AK9: variants seen among roughly 807,000 people sequenced by gnomAD.
The protein encoded by AK9 is adenylate kinase domain containing 1.
In AK9, 191 loss-of-function variants were observed where a neutral mutation model predicts 239.6. That is an observed-to-expected ratio of 0.80 (90% CI 0.71 to 0.90). The LOEUF (loss-of-function observed/expected upper bound fraction) is 0.90. Among genes scored for constraint, AK9 ranks in the 40% least tolerant of loss-of-function variants. The probability of loss-of-function intolerance (pLI) is 0.00; values close to 1 mark genes in which losing one functional copy is unlikely to be tolerated. For synonymous variants in AK9, 689 were observed against 721.0 expected (o/e 0.96, Z 0.71); for missense variants, 1,995 against 2,214.7 (o/e 0.90, Z 1.99).
At chr6:109,557,091 TCTCA>T (rs1297599311) in intron 24 of AK9, among the ~76,000 whole-genome samples, 1 of 151,842 alleles carries the variant, frequency 6.6e-6, no homozygotes, top group African/African-American at 2.4e-5. Flanking sequence ...TTCAGCATTT[TCTCA>T]CTGATTCTTT....
At chr6:109,503,902 T>C (rs1447930967) in intron 35 of AK9, among the ~76,000 whole-genome samples, 1 of 152,152 alleles carries the variant, frequency 6.6e-6, no homozygotes, top group Non-Finnish European at 1.5e-5. Context: ...TCCCCCCACT[T>C]TGGGGACATT....
chr6:109,675,876 C>T, intron 1 of AK9, 120 bp from the exon 2 acceptor site: 1 of 557,736 alleles, frequency 1.8e-6, no homozygotes, highest in South Asian at 2.9e-5. Context: ...CCATTAAACA[C>T]ATGAATTTTG....
intron 8 of AK9, among the ~76,000 whole-genome samples, chr6:109,644,968 A>T (rs945361049): frequency 2.6e-5 from 4 of 152,164 alleles, no homozygotes; most frequent in African/African-American, 7.2e-5. Flanking sequence ...ATCTATCTGC[A>T]TATGTTCATA....
chr6:109,566,711 C>A (rs891348071), intron 21 of AK9, among the ~76,000 whole-genome samples: 3 of 152,012 alleles, frequency 2.0e-5, no homozygotes, highest in African/African-American at 7.3e-5. Context: ...ACACTGGAGA[C>A]TCAGAAGGGA....
Position 109,619,234 on chromosome 6 carries a change from T to C in AK9, c.1257A>G (p.Val419=). The C allele has an allele frequency of 5.8e-6, 9 of 1,540,060 alleles. No individual in the cohort carries two copies. The highest frequency in any genetic ancestry group is 2.1e-5 in the Admixed American group (1 of 47,822). The stretch of plus-strand genomic sequence containing the variant: ...GCTGAACAAGTTGGGCATAGTCGAC[T>C]ACCTGCAAAGAATATTTGAGAAAAT... The part of the protein sequence containing the change: ...NMLAENYKGK[V]VDYAQLVQPR... Residue 419 remains valine (V), a splice_region_variant and synonymous_variant, in exon 13 of 41, where the codon GTA becomes GTG. Transcript: ENST00000424296.
intron 20 of AK9, 27 bp downstream of exon 20, chr6:109,579,523 T>A (rs1788548406): frequency 6.5e-7 from 1 of 1,537,044 alleles, no homozygotes. Flanking sequence ...CCATGACACA[T>A]CATCAGTCAT....
Position 109,579,448 on chromosome 6 carries a change from T to C in AK9, c.2191+102A>G, listed in dbSNP as rs188495069. 9.6e-6 allele frequency: 11 copies of C among 1,141,896 alleles called. No homozygotes were observed. In the East Asian group the frequency reaches 2.7e-4, roughly 28 times the overall value. The allele number at this position is 1,141,896 out of a possible 1,614,324, so 70.7% of individuals were successfully genotyped here. ...ATAAACCTGGGCTCTCATGGACAAA[T>C]TGGGAAATGTGATCACCCAGTCTAT... On this transcript the variant is annotated intron_variant, in intron 20 of 40. Coordinates refer to ENST00000424296, the MANE Select transcript of AK9 (RefSeq NM_001145128.3).
chr6:109,678,455 T>C (rs1160688007), intron 1 of AK9, among the ~76,000 whole-genome samples: 1 of 152,124 alleles, frequency 6.6e-6, no homozygotes, highest in Non-Finnish European at 1.5e-5. Flanking sequence ...ATGGGCAACA[T>C]ATGGAATGGA....
chr6:109,571,624 A>G (rs575857233), intron 21 of AK9, among the ~76,000 whole-genome samples: 1 of 152,308 alleles, frequency 6.6e-6, no homozygotes, highest in East Asian at 1.9e-4. Flanking sequence ...TAGTTAGCAC[A>G]TATTTTTATC....
intron 13 of AK9, among the ~76,000 whole-genome samples, chr6:109,617,849 GAC>G (rs55653762): frequency 0.3 from 44,869 of 151,828 alleles, 7,059 homozygotes; most frequent in Middle Eastern, 0.4. Flanking sequence ...TCACTTGAGA[GAC>G]ACAGTAAAGA....
chr6:109,616,015 C>G (rs982941824), intron 13 of AK9, among the ~76,000 whole-genome samples: 1 of 151,970 alleles, frequency 6.6e-6, no homozygotes, highest in Non-Finnish European at 1.5e-5. Context: ...GCCGGAGGAT[C>G]ACTTGAGGCC....
chr6:109,547,263 T>C (rs2128158209), intron 25 of AK9, among the ~76,000 whole-genome samples: 1 of 152,330 alleles, frequency 6.6e-6, no homozygotes, highest in Non-Finnish European at 1.5e-5. Flanking sequence ...GTTCCATGTG[T>C]TCATTTTAAG....
chr6:109,507,805 A>G (rs1213661430), intron 33 of AK9, among the ~76,000 whole-genome samples: 1 of 152,246 alleles, frequency 6.6e-6, no homozygotes, highest in Non-Finnish European at 1.5e-5. Flanking sequence ...ATAGTCAGAC[A>G]AGATTGAAAA....
chr6:109,545,790 G>A, intron 26 of AK9, 77 bp downstream of exon 26: 1 of 1,499,206 alleles, frequency 6.7e-7, no homozygotes, highest in Non-Finnish European at 8.9e-7. Flanking sequence ...GTGACAGATG[G>A]AGACCCTGTC....
intron 12 of AK9, among the ~76,000 whole-genome samples, chr6:109,621,913 CAAAA>C (rs758683676): frequency 2.8e-5 from 2 of 70,298 alleles, no homozygotes; most frequent in South Asian, 8.1e-4. Context: ...AAAAAAAAAA[CAAAA>C]AAAAAACAGA....
chr6:109,498,597 C>T (rs1307792920), intron 36 of AK9, among the ~76,000 whole-genome samples: 3 of 152,112 alleles, frequency 2.0e-5, no homozygotes, highest in Non-Finnish European at 4.4e-5. Context: ...TTCCATTAAG[C>T]AGAAATATAA....
intron 1 of AK9, among the ~76,000 whole-genome samples, chr6:109,676,671 T>A (rs1771799097): frequency 1.3e-5 from 2 of 152,080 alleles, no homozygotes. Context: ...CTTCTAAATA[T>A]TACTTGATCA....
chr6:109,670,299 T>C (rs1801879558), intron 5 of AK9, among the ~76,000 whole-genome samples: 1 of 152,204 alleles, frequency 6.6e-6, no homozygotes, highest in South Asian at 2.1e-4. Context: ...GTGATAATGG[T>C]AATGTGTAAT....
At chr6:109,606,637 T>C (rs1792922357) in intron 17 of AK9, among the ~76,000 whole-genome samples, 1 of 152,198 alleles carries the variant, frequency 6.6e-6, no homozygotes, top group African/African-American at 2.4e-5. Flanking sequence ...TGTTAGGTAC[T>C]GGGCAAGTAC....
Sources: gnomAD v4.1 joint callset for allele counts (sites outside exome capture counted in the v4.1 genomes callset) on GRCh38, gnomAD v4.1.1 for gene constraint, MANE v1.5 for transcripts, NCBI Gene and HGNC (gene_info 2026-07-23, HGNC 2026-07-21) for gene names.